CCDC171: variants seen among roughly 807,000 people sequenced by gnomAD.
CCDC171 encodes the protein coiled-coil domain-containing protein 171.
CCDC171 carries 177 observed loss-of-function variants against 168.2 expected under a neutral mutation model. The observed-to-expected ratio is 1.05, with a 90% CI of 0.93 to 1.19. CCDC171 has a LOEUF of 1.19. CCDC171 is among the 50% of genes most tolerant of loss of function. The pLI, the probability that CCDC171 is intolerant of heterozygous loss-of-function variation, is 0.00. For synonymous variants in CCDC171, 687 were observed against 540.8 expected (o/e 1.27, Z -3.75); for missense variants, 1,991 against 1,539.0 (o/e 1.29, Z -4.91).
intron 3 of CCDC171, among the ~76,000 whole-genome samples, chr9:16,013,264 C>T (rs1187400505): frequency 6.6e-6 from 1 of 152,180 alleles, no homozygotes; most frequent in East Asian, 1.9e-4. Flanking sequence ...TCCATCACAG[C>T]CTCTCCAGTC....
chr9:16,076,266 G>GCAAGTGCAGAACTAAGAGCTTTCC, the CCDC171 span, among the ~76,000 whole-genome samples: 46 of 152,282 alleles, frequency 3.0e-4, no homozygotes, highest in African/African-American at 1.1e-3. Flanking sequence ...GGTTACGTGG[G>GCAAGTGCAGAACTAAGAGCTTTCC]CAAGTGCAGA....
intron 4 of CCDC171, among the ~76,000 whole-genome samples, chr9:15,584,995 G>A (rs1370859363): frequency 2.6e-5 from 4 of 152,178 alleles, no homozygotes; most frequent in African/African-American, 4.8e-5. Context: ...GAGGAAAAAT[G>A]CGTAACCTCA....
At position 15,847,657 on chromosome 9, in the gene CCDC171, GAAT is replaced by G. The variant is rs1379955121; in HGVS notation, c.3413+811_3413+813del. On this transcript the variant is annotated intron_variant, in intron 22 of 25. Transcript: ENST00000380701. ...CAGTGTTTTCTAAATTTAGAATTCTGAATTTCTTTACTTGCAAAAATATACGTT... is the reference window on the plus strand; with the variant it reads ...CAGTGTTTTCTAAATTTAGAATTCTGTTCTTTACTTGCAAAAATATACGTT... Among the ~76,000 whole-genome samples the G allele has an allele frequency of 9.2e-5, 14 of 152,136 alleles. No individual in the cohort carries two copies. In the South Asian group the frequency reaches 2.7e-3, roughly 29 times the overall value.
At chr9:15,599,569 G>A (rs995588455) in intron 6 of CCDC171, among the ~76,000 whole-genome samples, 1 of 152,132 alleles carries the variant, frequency 6.6e-6, no homozygotes, top group Non-Finnish European at 1.5e-5. Flanking sequence ...TTTCTGTCTG[G>A]CTGCCCTTAA....
At chr9:15,803,014 T>C (rs575330990) in intron 21 of CCDC171, among the ~76,000 whole-genome samples, 29 of 152,302 alleles carry the variant, frequency 1.9e-4, no homozygotes, top group Admixed American at 1.6e-3. Flanking sequence ...TCAGTGATGT[T>C]GAGCTTATTT....
intron 6 of CCDC171, among the ~76,000 whole-genome samples, chr9:15,608,937 C>T: frequency 1.1e-5 from 1 of 92,816 alleles, no homozygotes. Flanking sequence ...AGAGCAAGAC[C>T]CTGTCTCAAA....
chr9:15,893,476 C>T (rs1161896735), intron 24 of CCDC171, among the ~76,000 whole-genome samples: 1 of 152,092 alleles, frequency 6.6e-6, no homozygotes, highest in East Asian at 1.9e-4. Context: ...CCAAAAGAAG[C>T]TATCATCAGA....
intron 3 of CCDC171, among the ~76,000 whole-genome samples, chr9:16,015,797 C>T (rs777750512): frequency 8.5e-5 from 13 of 152,200 alleles, no homozygotes; most frequent in South Asian, 2.1e-4. Context: ...TCATCTCTTA[C>T]AACCACGATT....
At chr9:16,089,726 A>T in the CCDC171 span, among the ~76,000 whole-genome samples, 1 of 151,820 alleles carries the variant, frequency 6.6e-6, no homozygotes, top group African/African-American at 2.4e-5. Flanking sequence ...AAGAACTTAA[A>T]CAAATTTACA....
chr9:15,909,400 G>A (rs555584505), intron 24 of CCDC171, among the ~76,000 whole-genome samples: 1 of 53,138 alleles, frequency 1.9e-5, no homozygotes, highest in African/African-American at 5.0e-5. Flanking sequence ...GTACATGTGC[G>A]TACACACACA....
intron 21 of CCDC171, among the ~76,000 whole-genome samples, chr9:15,785,090 G>T (rs2057871785): frequency 1.3e-5 from 2 of 151,938 alleles, no homozygotes. Context: ...TTTTGGTCTG[G>T]GTCTGATTCT....
intron 6 of CCDC171, among the ~76,000 whole-genome samples, chr9:15,614,491 T>C (rs1400367894): frequency 6.6e-6 from 1 of 152,230 alleles, no homozygotes; most frequent in Non-Finnish European, 1.5e-5. Context: ...TACTGCAAGT[T>C]TTTGGTTAAT....
At chr9:15,937,037 T>A (rs572328878) in intron 25 of CCDC171, among the ~76,000 whole-genome samples, 1 of 152,054 alleles carries the variant, frequency 6.6e-6, no homozygotes, top group South Asian at 2.1e-4. Flanking sequence ...GGAAGTGCTG[T>A]TTGTAAAAAC....
intron 3 of CCDC171, 61 bp from the exon 4 acceptor site, chr9:15,578,787 AT>A (rs2040882879): frequency 7.5e-7 from 1 of 1,333,092 alleles, no homozygotes; most frequent in Admixed American, 2.3e-5. Context: ...AGAAACTTAA[AT>A]GTTTGAGTGT....
chr9:15,943,798 T>C (rs1440464138), intron 25 of CCDC171, among the ~76,000 whole-genome samples: 3 of 152,060 alleles, frequency 2.0e-5, no homozygotes, highest in Non-Finnish European at 4.4e-5. Flanking sequence ...ATGGAACTTA[T>C]AATCAGTTGG....
chr9:15,588,938 CT>C (rs2041789425), intron 4 of CCDC171, among the ~76,000 whole-genome samples: 1 of 151,870 alleles, frequency 6.6e-6, no homozygotes, highest in Non-Finnish European at 1.5e-5. Flanking sequence ...TCTCGATGTC[CT>C]GACCTTGTGA....
At chr9:15,609,011 C>T in intron 6 of CCDC171, among the ~76,000 whole-genome samples, 1 of 142,612 alleles carries the variant, frequency 7.0e-6, no homozygotes. Context: ...AGTAACTAAC[C>T]CTTGGTTATG....
intron 11 of CCDC171, among the ~76,000 whole-genome samples, chr9:15,706,411 C>T (rs981421899): frequency 1.3e-5 from 2 of 151,988 alleles, no homozygotes. Context: ...CACCTCAGCT[C>T]CCAAGTAGCT....
chr9:15,720,588 TAAC>T (rs1023931542), intron 11 of CCDC171, among the ~76,000 whole-genome samples: 31 of 152,270 alleles, frequency 2.0e-4, no homozygotes, highest in African/African-American at 6.5e-4. Flanking sequence ...TGAGAAGAAA[TAAC>T]AAGAAAAGAA....
Sources: allele counts gnomAD v4.1 joint callset (sites outside exome capture counted in the v4.1 genomes callset), GRCh38; gene constraint gnomAD v4.1.1; transcripts MANE v1.5; gene names NCBI Gene and HGNC (gene_info 2026-07-23, HGNC 2026-07-21).